CNBD1: variants seen among roughly 807,000 people sequenced by gnomAD.
CNBD1 encodes cyclic nucleotide-binding domain-containing protein 1.
A neutral mutation model predicts 54.4 loss-of-function variants in CNBD1; 71 were observed. That is an observed-to-expected ratio of 1.30 (90% CI 1.08 to 1.59). The LOEUF is 1.59. CNBD1 is among the 40% of genes most tolerant of loss of function. The pLI, the probability that CNBD1 is intolerant of heterozygous loss-of-function variation, is 0.00. For synonymous variants in CNBD1, 182 were observed against 170.7 expected (o/e 1.07, Z -0.51); for missense variants, 659 against 518.0 (o/e 1.27, Z -2.64).
At chr8:87,133,758 A>G (rs191148282) in intron 4 of CNBD1, among the ~76,000 whole-genome samples, 340 of 151,936 alleles carry the variant, frequency 2.2e-3, no homozygotes, top group Non-Finnish European at 2.6e-3. Flanking sequence ...TGAATGAGCT[A>G]TATAATTATG....
chr8:86,895,311 T>C (rs897695559), intron 2 of CNBD1, among the ~76,000 whole-genome samples: 12 of 152,132 alleles, frequency 7.9e-5, no homozygotes, highest in African/African-American at 2.9e-4. Context: ...CTTTTATTGC[T>C]GAATAATATT....
At chr8:87,361,011 C>T (rs1165009302) in intron 10 of CNBD1, among the ~76,000 whole-genome samples, 3 of 151,830 alleles carry the variant, frequency 2.0e-5, no homozygotes, top group Non-Finnish European at 4.4e-5. Context: ...TAAGTTATAG[C>T]CAAGATTATC....
At chr8:87,377,500 G>T (rs1810974005) in intron 10 of CNBD1, among the ~76,000 whole-genome samples, 1 of 151,952 alleles carries the variant, frequency 6.6e-6, no homozygotes, top group Admixed American at 6.6e-5. Flanking sequence ...TTGTATGGCT[G>T]CATAGTATTC....
chr8:86,875,634 G>A (rs966762392), intron 1 of CNBD1, among the ~76,000 whole-genome samples: 1 of 151,868 alleles, frequency 6.6e-6, no homozygotes, highest in Non-Finnish European at 1.5e-5. Context: ...TCAGAAATTT[G>A]TAGCACTAGT....
intron 4 of CNBD1, among the ~76,000 whole-genome samples, chr8:87,192,025 G>A (rs571476168): frequency 6.6e-6 from 1 of 152,088 alleles, no homozygotes; most frequent in Non-Finnish European, 1.5e-5. Flanking sequence ...ATGTTATTGA[G>A]AATAATTTTA....
At chr8:87,319,529 C>CA (rs1477906252) in intron 8 of CNBD1, among the ~76,000 whole-genome samples, 1 of 151,570 alleles carries the variant, frequency 6.6e-6, no homozygotes, top group Non-Finnish European at 1.5e-5. Flanking sequence ...AATGAGGAAG[C>CA]AAAAAAGTAA....
In CNBD1 at chr8:87,339,657, G is replaced by T. The variant is rs540811538; in HGVS notation, c.1043-12028G>T. Among the ~76,000 whole-genome samples the T allele has an allele frequency of 4.0e-5, 6 of 151,742 alleles. No homozygotes were observed. In the South Asian group the frequency reaches 1.0e-3, roughly 26 times the overall value. ...AGTGATGTGCTTTGATTTCCTTCAG[G>T]TTTTCTTTTCTGTATTTTTAATATA... On this transcript the variant is annotated intron_variant, in intron 8 of 10. Coordinates refer to ENST00000518476, the MANE Select transcript of CNBD1 (RefSeq NM_173538.3).
intron 8 of CNBD1, among the ~76,000 whole-genome samples, chr8:87,347,628 G>T (rs2130924847): frequency 6.6e-6 from 1 of 152,288 alleles, no homozygotes; most frequent in Non-Finnish European, 1.5e-5. Flanking sequence ...GAGAATGTGA[G>T]ATTTGGGCAA....
chr8:87,034,397 G>A (rs1809861712), intron 4 of CNBD1, among the ~76,000 whole-genome samples: 1 of 152,210 alleles, frequency 6.6e-6, no homozygotes, highest in South Asian at 2.1e-4. Context: ...ATCACCTGGT[G>A]TTTTAAGCTA....
At chr8:87,351,897 G>A in intron 9 of CNBD1, 103 bp downstream of exon 9, 3 of 1,168,638 alleles carry the variant, frequency 2.6e-6, no homozygotes, top group South Asian at 5.5e-5. Flanking sequence ...GTATTACTTT[G>A]TGAAATTTCT....
chr8:87,002,401 T>A (rs1345113239), intron 4 of CNBD1, among the ~76,000 whole-genome samples: 1 of 152,086 alleles, frequency 6.6e-6, no homozygotes, highest in African/African-American at 2.4e-5. Context: ...CCTAGGAGAG[T>A]AAAAGCCAGA....
intron 1 of CNBD1, among the ~76,000 whole-genome samples, chr8:86,872,483 T>C (rs914751078): frequency 2.0e-4 from 30 of 152,180 alleles, no homozygotes; most frequent in Admixed American, 1.4e-3. Flanking sequence ...GGTAATTCTA[T>C]TGTTAATATT....
intron 4 of CNBD1, among the ~76,000 whole-genome samples, chr8:87,003,288 T>C (rs956884442): frequency 1.3e-5 from 2 of 152,224 alleles, no homozygotes; most frequent in African/African-American, 4.8e-5. Context: ...AAATGAATGA[T>C]AATAAATTGA....
intron 4 of CNBD1, among the ~76,000 whole-genome samples, chr8:86,992,644 T>C (rs1808779442): frequency 6.6e-6 from 1 of 152,176 alleles, no homozygotes; most frequent in Non-Finnish European, 1.5e-5. Context: ...CTTAAGAGCC[T>C]CTCATGAGGC....
chr8:87,373,271 A>G (rs1810857344), intron 10 of CNBD1, among the ~76,000 whole-genome samples: 2 of 151,810 alleles, frequency 1.3e-5, no homozygotes, highest in South Asian at 2.1e-4. Flanking sequence ...TTCTACTGAT[A>G]CTTCTAATAT....
intron 5 of CNBD1, among the ~76,000 whole-genome samples, chr8:87,230,814 A>G (rs1199149822): frequency 1.3e-5 from 2 of 152,312 alleles, no homozygotes; most frequent in South Asian, 2.1e-4. Flanking sequence ...GGAGTCATTT[A>G]TTTAGGAATA....
At chr8:86,916,844 C>T (rs1439939074) in intron 3 of CNBD1, among the ~76,000 whole-genome samples, 1 of 151,308 alleles carries the variant, frequency 6.6e-6, no homozygotes, top group Non-Finnish European at 1.5e-5. Flanking sequence ...GCTGGGATTA[C>T]AGGTACCCAC....
chr8:87,254,854 A>C (rs1384319704), intron 6 of CNBD1, among the ~76,000 whole-genome samples: 1 of 152,214 alleles, frequency 6.6e-6, no homozygotes, highest in Non-Finnish European at 1.5e-5. Context: ...ACTGTAATAG[A>C]AAATGGGGCA....
chr8:86,898,235 T>G (rs888585313), intron 2 of CNBD1, among the ~76,000 whole-genome samples: 5 of 152,162 alleles, frequency 3.3e-5, no homozygotes, highest in African/African-American at 1.2e-4. Context: ...TAAAAGAATA[T>G]TCACTGATTT....
Sources: gnomAD v4.1 joint callset for allele counts (sites outside exome capture counted in the v4.1 genomes callset) on GRCh38, gnomAD v4.1.1 for gene constraint, MANE v1.5 for transcripts, NCBI Gene and HGNC (gene_info 2026-07-23, HGNC 2026-07-21) for gene names.